RAB27B: variants seen among roughly 807,000 people sequenced by gnomAD.
RAB27B encodes the protein RAB27B, member RAS oncogene family, also known as ras-related protein Rab-27B.
RAB27B carries 15 observed loss-of-function variants against 24.6 expected under a neutral mutation model. That is an observed-to-expected ratio of 0.61 (90% CI 0.41 to 0.94). RAB27B has a LOEUF of 0.94. Among genes scored for constraint, RAB27B ranks in the 40% least tolerant of loss-of-function variants. RAB27B has a pLI of 0.00. For missense variants in RAB27B, 261 were observed against 266.8 expected, an observed-to-expected ratio of 0.98 and a Z score of 0.15; for synonymous variants, 105 against 92.5, an observed-to-expected ratio of 1.14 and a Z score of -0.78.
chr18:54,760,358 A>G (rs57502661), intron 2 of RAB27B, among the ~76,000 whole-genome samples: 8,902 of 152,284 alleles, frequency 0.058, 321 homozygotes, highest in Admixed American at 0.087. Context: ...TGAGTGAAAT[A>G]TACTACATAT....
chr18:54,729,103 G>A (rs1023332317), intron 2 of RAB27B, among the ~76,000 whole-genome samples: 12 of 151,854 alleles, frequency 7.9e-5, no homozygotes, highest in South Asian at 2.1e-4. Context: ...ACAGGCTGAC[G>A]TAGTTACCTG....
chr18:54,763,323 A>G (rs1908253205), intron 2 of RAB27B, among the ~76,000 whole-genome samples: 1 of 152,032 alleles, frequency 6.6e-6, no homozygotes, highest in Non-Finnish European at 1.5e-5. Context: ...TTATTTATTT[A>G]TTTATTTATT....
chr18:54,751,891 T>G (rs1202402075), intron 2 of RAB27B, among the ~76,000 whole-genome samples: 1 of 152,166 alleles, frequency 6.6e-6, no homozygotes, highest in Non-Finnish European at 1.5e-5. Flanking sequence ...CTGAGCCAGT[T>G]CCTGAAATAA....
chr18:54,871,209 C>A, intron 1 of RAB27B, among the ~76,000 whole-genome samples: 1 of 152,122 alleles, frequency 6.6e-6, no homozygotes, highest in East Asian at 1.9e-4. Context: ...AAAAAAAATA[C>A]ACTAAAGAAG....
At chr18:54,796,985 C>T (rs756747834) in intron 2 of RAB27B, among the ~76,000 whole-genome samples, 6 of 152,128 alleles carry the variant, frequency 3.9e-5, no homozygotes. Context: ...GAGTCATTGC[C>T]GTCTTTTCTC....
At chr18:54,794,467 C>T (rs186496094) in intron 2 of RAB27B, among the ~76,000 whole-genome samples, 4 of 152,210 alleles carry the variant, frequency 2.6e-5, no homozygotes, top group South Asian at 2.1e-4. Context: ...GCTCTTACAG[C>T]GTAAAAACAA....
chr18:54,821,875 T>A (rs903425536), intron 2 of RAB27B, among the ~76,000 whole-genome samples: 1 of 152,188 alleles, frequency 6.6e-6, no homozygotes, highest in Non-Finnish European at 1.5e-5. Context: ...TGCCTCAGTC[T>A]CCCGAGTAGC....
chr18:54,763,494 G>A (rs1452062680), intron 2 of RAB27B, among the ~76,000 whole-genome samples: 1 of 152,122 alleles, frequency 6.6e-6, no homozygotes, highest in Admixed American at 6.6e-5. Flanking sequence ...ATTTTGGTAG[G>A]TGGAGATTAT....
At chr18:54,749,249 G>T (rs920668109) in intron 2 of RAB27B, among the ~76,000 whole-genome samples, 4 of 152,126 alleles carry the variant, frequency 2.6e-5, no homozygotes, top group Non-Finnish European at 5.9e-5. Context: ...CTGGAAAGAG[G>T]ATCTGAGAGA....
At chr18:54,870,500 T>C (rs1381607664) in intron 1 of RAB27B, among the ~76,000 whole-genome samples, 1 of 152,108 alleles carries the variant, frequency 6.6e-6, no homozygotes, top group East Asian at 1.9e-4. Context: ...ATAATAGAGG[T>C]ATTGGCCAGT....
intron 1 of RAB27B, among the ~76,000 whole-genome samples, chr18:54,860,893 T>G (rs1911984067): frequency 6.6e-6 from 1 of 152,236 alleles, no homozygotes; most frequent in South Asian, 2.1e-4. Flanking sequence ...ATAAAATGCT[T>G]CTTGTAAAAT....
rs919573884 is a variant in RAB27B, at chr18:54,893,009, T to C, written c.*3596T>C. ...TCTTTAAGCTGCAAATTGAGTACAC[T>C]GGGAATCAACAAATTTGATGAAGCC... On this transcript the variant is annotated 3_prime_UTR_variant, in exon 6 of 6. Transcript: ENST00000262094. 1.3e-5 allele frequency: 2 copies of C among 152,016 alleles called. No individual in the cohort carries two copies. The highest frequency in any genetic ancestry group is 2.9e-5 in the Non-Finnish European group (2 of 67,928). The allele number at this position is 152,016 out of a possible 1,614,324, so 9.4% of individuals were successfully genotyped here. A position where few individuals can be genotyped will look rare whatever the true frequency, so the allele number is the denominator to read the frequency against.
In RAB27B at chr18:54,877,645, G is replaced by C. The variant is rs760345422; in HGVS notation, c.60G>C (p.Val20=). ...TCCTGGCCCTCGGGGATTCAGGGGTGGGGAAGACAACATTTCTTTATAGAT... is the reference window on the plus strand; with the variant it reads ...TCCTGGCCCTCGGGGATTCAGGGGTCGGGAAGACAACATTTCTTTATAGAT... ...IKLLALGDSG[V]GKTTFLYRYT... is the part of the protein sequence containing the mutation. The change falls in exon 2 of 6, where the codon GTG becomes GTC. Residue 20 remains valine, a synonymous_variant. Transcript: ENST00000262094. 1.9e-6 allele frequency: 3 copies of C among 1,596,282 alleles called. No homozygotes were observed. In the African/African-American group the frequency reaches 4.1e-5, roughly 22 times the overall value.
rs1279598035 is a variant in RAB27B, at chr18:54,894,017, A to G, written c.*4604A>G. The G allele has an allele frequency of 6.6e-6, 1 of 151,974 alleles. No individual in the cohort carries two copies. Among genetic ancestry groups the G allele is most frequent in the Admixed American group, 6.6e-5 (1 of 15,232 alleles). The allele number at this position is 151,974 out of a possible 1,614,324, so 9.4% of individuals were successfully genotyped here. ...CGTTGTTGGCATAAAAATGTGATACACTTAGAGACATTTTGTTTATTGCAT... is the reference window on the plus strand; with the variant it reads ...CGTTGTTGGCATAAAAATGTGATACGCTTAGAGACATTTTGTTTATTGCAT... On this transcript the variant is annotated 3_prime_UTR_variant, in exon 6 of 6. Transcript: ENST00000262094.
intron 3 of RAB27B, among the ~76,000 whole-genome samples, chr18:54,881,116 T>C (rs539861534): frequency 9.4e-4 from 143 of 152,282 alleles, no homozygotes; most frequent in African/African-American, 3.4e-3. Flanking sequence ...CTTTGGGGTC[T>C]GTTTCTTCTG....
intron 2 of RAB27B, among the ~76,000 whole-genome samples, chr18:54,734,508 A>G (rs1909830940): frequency 1.3e-5 from 2 of 152,176 alleles, no homozygotes; most frequent in South Asian, 4.1e-4. Context: ...AACCAATAAT[A>G]TAAGGACAAA....
At chr18:54,870,452 A>G (rs1297601009) in intron 1 of RAB27B, among the ~76,000 whole-genome samples, 1 of 152,174 alleles carries the variant, frequency 6.6e-6, no homozygotes. Flanking sequence ...AAAATCAGAA[A>G]CAAAGAAGTC....
At chr18:54,740,005 T>C (rs1006439390) in intron 2 of RAB27B, among the ~76,000 whole-genome samples, 1 of 152,224 alleles carries the variant, frequency 6.6e-6, no homozygotes, top group African/African-American at 2.4e-5. Flanking sequence ...GTAAGATATA[T>C]GTATTGCAAA....
At chr18:54,858,401 T>C (rs1186276510) in intron 1 of RAB27B, among the ~76,000 whole-genome samples, 1 of 123,244 alleles carries the variant, frequency 8.1e-6, no homozygotes, top group African/African-American at 3.2e-5. Context: ...TTTTTTTTTT[T>C]TGAGACGGAG....
Sources: gnomAD v4.1 joint callset for allele counts (sites outside exome capture counted in the v4.1 genomes callset) on GRCh38, gnomAD v4.1.1 for gene constraint, MANE v1.5 for transcripts, NCBI Gene and HGNC (gene_info 2026-07-23, HGNC 2026-07-21) for gene names.